The following UBL3 variants were observed in gnomAD, a reference collection of about 807,000 sequenced individuals.
UBL3 encodes the protein ubiquitin-like protein 3.
Under a neutral mutation model 18.4 loss-of-function variants are expected in UBL3, and 6 were observed. That is an observed-to-expected ratio of 0.33 (90% CI 0.18 to 0.64). The LOEUF is 0.64. Ranked by LOEUF, UBL3 falls within the 30% of genes least tolerant of loss-of-function variation. The pLI is 0.76. For missense variants in UBL3, 109 were observed against 142.9 expected (o/e 0.76, Z 1.21); for synonymous variants, 49 against 46.6 (o/e 1.05, Z -0.21).
chr13:29,777,068 G>A, intron 2 of UBL3, 87 bp downstream of exon 2: 1 of 1,067,036 alleles, frequency 9.4e-7, no homozygotes, highest in Non-Finnish European at 1.3e-6. Flanking sequence ...TCTTTTAAAT[G>A]TTATATAACA....
intron 1 of UBL3, among the ~76,000 whole-genome samples, chr13:29,800,059 C>A (rs1418048943): frequency 2.0e-5 from 3 of 152,116 alleles, no homozygotes; most frequent in Non-Finnish European, 4.4e-5. Context: ...TACTAACATC[C>A]AAAGGTTTCA....
intron 1 of UBL3, among the ~76,000 whole-genome samples, chr13:29,811,712 C>T (rs937795656): frequency 6.6e-6 from 1 of 152,066 alleles, no homozygotes; most frequent in Non-Finnish European, 1.5e-5. Flanking sequence ...TGAAAAATAC[C>T]TGGCTGCTTG....
intron 1 of UBL3, among the ~76,000 whole-genome samples, chr13:29,809,888 C>A (rs181733170): frequency 6.6e-6 from 1 of 152,220 alleles, no homozygotes; most frequent in African/African-American, 2.4e-5. Context: ...ACTTTTAATA[C>A]CTAATACAAA....
chr13:29,805,644 T>C (rs1410236954), intron 1 of UBL3, among the ~76,000 whole-genome samples: 2 of 152,230 alleles, frequency 1.3e-5, no homozygotes, highest in African/African-American at 2.4e-5. Flanking sequence ...TGCCCTCCCA[T>C]ATTTTTAATT....
At position 29,803,197 on chromosome 13, in the gene UBL3, G is replaced by C. The variant is rs552585130; in HGVS notation, c.28-25934C>G. The stretch of plus-strand genomic sequence containing the variant: ...GGAGAAATAAATAAGATCCTTTTTA[G>C]ATAGGCAAATGCTAAGTGAATTTGT... On this transcript the variant is annotated intron_variant, in intron 1 of 4. Coordinates refer to ENST00000380680, the MANE Select transcript of UBL3 (RefSeq NM_007106.4). 3.3e-5 allele frequency among the ~76,000 whole-genome samples: 5 copies of C among 152,214 alleles called. No individual in the cohort carries two copies. In the South Asian group the frequency reaches 1.0e-3, roughly 32 times the overall value.
chr13:29,785,508 T>C (rs1191344018), intron 1 of UBL3, among the ~76,000 whole-genome samples: 1 of 152,202 alleles, frequency 6.6e-6, no homozygotes, highest in African/African-American at 2.4e-5. Flanking sequence ...CTTATTTTAA[T>C]ATGTAAATTT....
rs577451511 is a variant in UBL3 at position 29,766,787 on chromosome 13, T to C, written c.*468A>G. On this transcript the variant is annotated 3_prime_UTR_variant, in exon 5 of 5. Transcript: ENST00000380680. ...CAAGTTGGCCCAGTAATTAACTTCA[T>C]TAATTGCTGAGTGTCTTCCAGTGTG... 4 of 152,390 alleles carry C rather than the reference T, an allele frequency of 2.6e-5. No individual in the cohort carries two copies. The highest frequency in any genetic ancestry group is 9.6e-5 in the African/African-American group (4 of 41,570). 9.4% of individuals were successfully genotyped at this position (152,390 alleles called of 1,614,324 possible). A position where few individuals can be genotyped will look rare whatever the true frequency, so the allele number is the denominator to read the frequency against.
At chr13:29,776,047 G>C (rs938969795) in intron 2 of UBL3, among the ~76,000 whole-genome samples, 2 of 152,024 alleles carry the variant, frequency 1.3e-5, no homozygotes, top group African/African-American at 2.4e-5. Flanking sequence ...CCTTATAGTA[G>C]TTCAGAGAAC....
intron 1 of UBL3, among the ~76,000 whole-genome samples, chr13:29,839,766 A>G (rs1163405294): frequency 6.6e-5 from 10 of 152,098 alleles, no homozygotes; most frequent in Admixed American, 6.5e-4. Flanking sequence ...TCTCTACTAA[A>G]AATACAAAAA....
At chr13:29,814,249 C>A (rs1356537589) in intron 1 of UBL3, among the ~76,000 whole-genome samples, 1 of 152,010 alleles carries the variant, frequency 6.6e-6, no homozygotes, top group African/African-American at 2.4e-5. Flanking sequence ...CATACAAGGT[C>A]TTTCAGCAGT....
At chr13:29,810,459 A>C (rs1446331052) in intron 1 of UBL3, among the ~76,000 whole-genome samples, 1 of 152,088 alleles carries the variant, frequency 6.6e-6, no homozygotes, top group Non-Finnish European at 1.5e-5. Context: ...AGACAGTAAG[A>C]AAATCATGTA....
At chr13:29,785,806 G>A (rs1340338125) in intron 1 of UBL3, among the ~76,000 whole-genome samples, 2 of 152,150 alleles carry the variant, frequency 1.3e-5, no homozygotes, top group Non-Finnish European at 2.9e-5. Flanking sequence ...TCATAACCTT[G>A]AAGCTATGAG....
chr13:29,767,822 A>C, intron 3 of UBL3, 127 bp from the exon 4 acceptor site: 2 of 649,052 alleles, frequency 3.1e-6, no homozygotes, highest in Non-Finnish European at 4.9e-6. Flanking sequence ...AACTTAACTC[A>C]GAGTACCTTC....
intron 1 of UBL3, among the ~76,000 whole-genome samples, chr13:29,836,134 G>C (rs2139364345): frequency 6.6e-6 from 1 of 152,230 alleles, no homozygotes; most frequent in South Asian, 2.1e-4. Context: ...AAGAGAAGTA[G>C]ATGGATTCTA....
At chr13:29,840,911 A>G (rs1225280202) in intron 1 of UBL3, among the ~76,000 whole-genome samples, 5 of 152,210 alleles carry the variant, frequency 3.3e-5, no homozygotes, top group Non-Finnish European at 1.5e-5. Context: ...TTGCATAGAT[A>G]GATGTTCATA....
intron 1 of UBL3, among the ~76,000 whole-genome samples, chr13:29,819,894 C>G (rs1461113332): frequency 6.6e-6 from 1 of 152,000 alleles, no homozygotes; most frequent in East Asian, 1.9e-4. Context: ...TCCTTTTTCC[C>G]CAATCCCTAC....
At chr13:29,836,640 G>T (rs767181119) in intron 1 of UBL3, among the ~76,000 whole-genome samples, 3 of 151,762 alleles carry the variant, frequency 2.0e-5, no homozygotes, top group Non-Finnish European at 4.4e-5. Flanking sequence ...AGAGCAAAAG[G>T]CCAAGCAGAA....
chr13:29,842,891 C>A (rs917333892), intron 1 of UBL3, among the ~76,000 whole-genome samples: 1 of 152,218 alleles, frequency 6.6e-6, no homozygotes, highest in Non-Finnish European at 1.5e-5. Flanking sequence ...AAGATACTCA[C>A]TTTACTGTGA....
At chr13:29,793,391 A>G (rs1246560028) in intron 1 of UBL3, among the ~76,000 whole-genome samples, 2 of 152,156 alleles carry the variant, frequency 1.3e-5, no homozygotes, top group African/African-American at 2.4e-5. Context: ...AATATCACAT[A>G]TTTTTTGCAA....
Sources: allele counts gnomAD v4.1 joint callset (sites outside exome capture counted in the v4.1 genomes callset), GRCh38; gene constraint gnomAD v4.1.1; transcripts MANE v1.5; gene names NCBI Gene and HGNC (gene_info 2026-07-23, HGNC 2026-07-21).